The following CCNL1 variants were observed in gnomAD, a reference collection of about 807,000 sequenced individuals.
The protein encoded by CCNL1 is cyclin L1.
Under a neutral mutation model 60.6 loss-of-function variants are expected in CCNL1, and 13 were observed. That is an observed-to-expected ratio of 0.21 (90% CI 0.14 to 0.34). The LOEUF is 0.34. Ranked by LOEUF, CCNL1 falls within the 10% of genes least tolerant of loss-of-function variation. The pLI is 1.00. For synonymous variants in CCNL1, 270 were observed against 244.3 expected, an observed-to-expected ratio of 1.10 and a Z score of -0.98; for missense variants, 481 against 664.3, an observed-to-expected ratio of 0.72 and a Z score of 3.03.
downstream of CCNL1, among the ~76,000 whole-genome samples, chr3:157,145,532 A>C (rs556625479): frequency 5.9e-5 from 9 of 151,796 alleles, no homozygotes; most frequent in South Asian, 1.9e-3. Flanking sequence ...GACAAATAAC[A>C]TTTTCATTGC....
At position 157,148,237 on chromosome 3, in the gene CCNL1, A is replaced by G. The variant is rs771366552; in HGVS notation, c.*4T>C. ...AACTGATGCAGGCTCAAAGGAAGAG[A>G]AAGTCAGCGCCTGTGCCTGCCATGT... On this transcript the variant is annotated 3_prime_UTR_variant, in exon 11 of 11. Coordinates refer to ENST00000295926, the MANE Select transcript of CCNL1 (RefSeq NM_020307.4). 1.2e-6 allele frequency: 2 copies of G among 1,609,358 alleles called. No individual in the cohort carries two copies. The highest frequency in any genetic ancestry group is 8.5e-7 in the Non-Finnish European group (1 of 1,177,060).
At chr3:157,158,762 C>T (rs564724957) in intron 3 of CCNL1, 104 bp downstream of exon 3, 1 of 690,646 alleles carries the variant, frequency 1.4e-6, no homozygotes. Flanking sequence ...AGTCCGTTTT[C>T]TTTTGCATCC....
intron 1 of CCNL1, 31 bp downstream of exon 1, chr3:157,159,761 C>A: frequency 2.7e-6 from 4 of 1,496,650 alleles, no homozygotes; most frequent in Non-Finnish European, 3.6e-6. Flanking sequence ...AGGAGAGGAG[C>A]GCCCGGCCGG....
At chr3:157,151,934 T>C in intron 5 of CCNL1, 1 of 1,294,132 alleles carries the variant, frequency 7.7e-7, no homozygotes, top group Non-Finnish European at 9.9e-7. Flanking sequence ...GACTACCCTT[T>C]AATTAAAGAG....
chr3:157,151,575 T>TA (rs1486933485), intron 5 of CCNL1: 1 of 986,006 alleles, frequency 1.0e-6, no homozygotes, highest in Admixed American at 6.1e-5. Context: ...CCTTTGGTAG[T>TA]ATTCATGCTA....
intron 5 of CCNL1, chr3:157,151,476 A>G: frequency 1.0e-6 from 1 of 985,886 alleles, no homozygotes; most frequent in Non-Finnish European, 1.2e-6. Context: ...CTTGCTTCTA[A>G]TATTATTACC....
intron 3 of CCNL1, among the ~76,000 whole-genome samples, chr3:157,157,349 T>C (rs1219272957): frequency 1.3e-5 from 2 of 151,800 alleles, no homozygotes; most frequent in African/African-American, 2.4e-5. Context: ...TTAAATTCCA[T>C]GGTTTTTACA....
At position 157,150,086 on chromosome 3, in the gene CCNL1, A is replaced by C. The variant is rs780669760; in HGVS notation, c.858T>G (p.Leu286=). Residue 286 remains leucine, a synonymous_variant, in exon 7 of 11, where the codon CTT becomes CTG. Coordinates refer to ENST00000295926, the MANE Select transcript of CCNL1 (RefSeq NM_020307.4). ...ATACCTTTTTTCTGGTATAAAGCCT[A>C]AGTGTTTCTATGCAGATTTCCTGGA... ...EEIQEICIET[L]RLYTRKKPNY... is the part of the protein sequence containing the mutation. 12 of 1,612,314 alleles carry C rather than the reference A, an allele frequency of 7.4e-6. No homozygotes were observed. Among genetic ancestry groups the C allele is most frequent in the Non-Finnish European group, 1.0e-5 (12 of 1,179,490 alleles).
intron 3 of CCNL1, chr3:157,154,794 G>A (rs1738478217): frequency 6.6e-6 from 1 of 152,078 alleles, no homozygotes; most frequent in African/African-American, 2.4e-5. Flanking sequence ...GAGGCCACCA[G>A]CTGGCCTCAT....
chr3:157,149,655 T>C, intron 8 of CCNL1, 59 bp from the exon 9 acceptor site: 1 of 1,525,706 alleles, frequency 6.6e-7, no homozygotes, highest in Non-Finnish European at 9.0e-7. Context: ...GGCCAAAAGT[T>C]GTTTCTAAAT....
chr3:157,150,630 A>T (rs1259825995), intron 5 of CCNL1: 1 of 1,179,742 alleles, frequency 8.5e-7, no homozygotes, highest in African/African-American at 1.6e-5. Flanking sequence ...TTACAATCCA[A>T]ACTAGAAATT....
chr3:157,152,845 C>T (rs1033699902), intron 4 of CCNL1, 191 bp downstream of exon 4: 7 of 1,335,274 alleles, frequency 5.2e-6, no homozygotes, highest in East Asian at 6.2e-5. Context: ...TTTGAACCTA[C>T]ATTTTTGACT....
intron 3 of CCNL1, chr3:157,154,051 C>G (rs939126335): frequency 6.6e-6 from 1 of 152,150 alleles, no homozygotes; most frequent in Non-Finnish European, 1.5e-5. Flanking sequence ...CTGTACCAGA[C>G]TAAATTTTGG....
rs9814142 is a variant in CCNL1 at position 157,159,918 on chromosome 3, A to T, written c.177T>A (p.Ile59=). 0.047 allele frequency: 74,980 copies of T among 1,606,424 alleles called. 2,188 individuals carry two copies. The highest frequency in any genetic ancestry group is 0.11 in the Admixed American group (6,315 of 58,776). Reference sequence around the variant, plus strand: ...GGGTGGGCGAGAGCCTCTCCTCCGGAATCAGAGAGTGGTCGATGGTAAGTG... The same window carrying T: ...GGGTGGGCGAGAGCCTCTCCTCCGGTATCAGAGAGTGGTCGATGGTAAGTG... ...EVSLTIDHSL[I]PEERLSPTPS... The change falls in exon 1 of 11, where the codon ATT becomes ATA. Residue 59 remains isoleucine (I), a synonymous_variant. Coordinates refer to ENST00000295926, the MANE Select transcript of CCNL1 (RefSeq NM_020307.4).
chr3:157,153,176 A>G lies in CCNL1; in HGVS notation c.489-20T>C, dbSNP rs760682623. On this transcript the variant is annotated intron_variant, in intron 3 of 10. Transcript: ENST00000295926. Reference sequence around the variant, plus strand: ...GGAGTCCTATAGTTTGTAAGAAATAAAATCAAAACTGTTTTGCACATCCAA... The same window carrying G: ...GGAGTCCTATAGTTTGTAAGAAATAGAATCAAAACTGTTTTGCACATCCAA... 1.9e-6 allele frequency: 3 copies of G among 1,592,512 alleles called. No homozygotes were observed. The highest frequency in any genetic ancestry group is 2.6e-6 in the Non-Finnish European group (3 of 1,172,320).
intron 1 of CCNL1, 39 bp from the exon 2 acceptor site, chr3:157,159,518 G>A (rs1560203792): frequency 3.8e-6 from 6 of 1,573,112 alleles, no homozygotes; most frequent in Non-Finnish European, 2.6e-6. Flanking sequence ...CAGGGGTCAG[G>A]CGGGCCCGCT....
In CCNL1 at chr3:157,159,533, GCGC is replaced by G. The variant is rs1738903755; in HGVS notation, c.304-57_304-55del. ...CAGGGGTCAGGCGGGCCCGCTCCAG[GCGC>G]CGCCGCCATTTTGTGCCGCCGATCG... On this transcript the variant is annotated intron_variant, in intron 1 of 10. Coordinates refer to ENST00000295926, the MANE Select transcript of CCNL1 (RefSeq NM_020307.4). 15 of 1,508,560 alleles carry G rather than the reference GCGC, an allele frequency of 9.9e-6. No individual in the cohort carries two copies. The South Asian group carries it at 1.0e-4, about 10-fold the overall frequency. 93.4% of individuals were successfully genotyped at this position (1,508,560 alleles called of 1,614,324 possible).
chr3:157,147,538 CA>C (rs1737829714), downstream of CCNL1: 5 of 977,178 alleles, frequency 5.1e-6, no homozygotes, highest in South Asian at 1.9e-4. Flanking sequence ...TGACACCATT[CA>C]AAAGCAAATC....
downstream of CCNL1, among the ~76,000 whole-genome samples, chr3:157,145,437 CAAAAAAAAAAA>C (rs56894231): frequency 4.1e-4 from 10 of 24,266 alleles, no homozygotes; most frequent in East Asian, 5.0e-3. Context: ...GACTTCATCT[CAAAAAAAAAAA>C]AAAAAAAAAA....
Sources: gnomAD v4.1 joint callset for allele counts (sites outside exome capture counted in the v4.1 genomes callset) on GRCh38, gnomAD v4.1.1 for gene constraint, MANE v1.5 for transcripts, NCBI Gene and HGNC (gene_info 2026-07-23, HGNC 2026-07-21) for gene names.